The following GON4L variants were observed in gnomAD, a reference collection of about 807,000 sequenced individuals.
GON4L encodes the protein gon-4 like, also known as GON-4-like protein.
In GON4L, 87 loss-of-function variants were observed where a neutral mutation model predicts 211.8. That is an observed-to-expected ratio of 0.41 (90% CI 0.35 to 0.49). The LOEUF (loss-of-function observed/expected upper bound fraction) is 0.49. GON4L is among the 20% of genes least tolerant of loss of function. GON4L has a pLI of 0.15. For missense variants in GON4L, 2,155 were observed against 2,659.5 expected, an observed-to-expected ratio of 0.81 and a Z score of 4.17; for synonymous variants, 875 against 962.6, an observed-to-expected ratio of 0.91 and a Z score of 1.68.
chr1:155,775,003 A>C lies in GON4L; in HGVS notation c.2349T>G (p.Thr783=). ...DCSPHKTVKK[T]ANEFPCLPKQ... is the part of the protein sequence containing the mutation. ...AAAGCTGACACATCTGTCTCCTACCAGTCTTCTTGACAGTTTTATGAGGGC... is the reference window on the plus strand; with the variant it reads ...AAAGCTGACACATCTGTCTCCTACCCGTCTTCTTGACAGTTTTATGAGGGC... The change falls in exon 17 of 32, where the codon ACT becomes ACG. Residue 783 remains threonine (T), a splice_region_variant and synonymous_variant. Coordinates refer to ENST00000368331, the MANE Select transcript of GON4L (RefSeq NM_001282860.2). The C allele has an allele frequency of 6.2e-7, 1 of 1,609,244 alleles. No individual in the cohort carries two copies. The highest frequency in any genetic ancestry group is 1.1e-5 in the South Asian group (1 of 90,896).
chr1:155,835,567 C>A (rs945691115), intron 2 of GON4L, among the ~76,000 whole-genome samples: 2 of 152,028 alleles, frequency 1.3e-5, no homozygotes, highest in Non-Finnish European at 2.9e-5. Context: ...CTGTTGGCCA[C>A]CCCCTAGGTG....
chr1:155,753,899 T>C, intron 28 of GON4L: 1 of 220,634 alleles, frequency 4.5e-6, no homozygotes, highest in Admixed American at 5.3e-5. Flanking sequence ...AAACACGGTC[T>C]CACTCTGTCA....
At chr1:155,849,362 G>T (rs1671554716) in intron 2 of GON4L, among the ~76,000 whole-genome samples, 1 of 151,724 alleles carries the variant, frequency 6.6e-6, no homozygotes, top group African/African-American at 2.4e-5. Context: ...GACTAACATG[G>T]TGAAACCCTG....
intron 11 of GON4L, among the ~76,000 whole-genome samples, chr1:155,802,552 C>T (rs1331554468): frequency 6.6e-6 from 1 of 152,192 alleles, no homozygotes; most frequent in Admixed American, 6.6e-5. Context: ...TTTCATGTAG[C>T]TGTCTCTGAT....
intron 10 of GON4L, among the ~76,000 whole-genome samples, chr1:155,806,287 G>T (rs1571809579): frequency 6.6e-6 from 1 of 151,782 alleles, no homozygotes; most frequent in Non-Finnish European, 1.5e-5. Context: ...CAAATAGTTG[G>T]GACTACAGGC....
chr1:155,820,530 AT>A, intron 6 of GON4L, 75 bp downstream of exon 6: 2 of 961,872 alleles, frequency 2.1e-6, no homozygotes, highest in Non-Finnish European at 1.7e-6. Flanking sequence ...TCTTTCCTAT[AT>A]TTTTCCCTAT....
At chr1:155,850,800 T>G (rs993194465) in intron 2 of GON4L, among the ~76,000 whole-genome samples, 1 of 150,696 alleles carries the variant, frequency 6.6e-6, no homozygotes, top group Non-Finnish European at 1.5e-5. Flanking sequence ...CCTGTAATCC[T>G]AGCACTTTGG....
intron 14 of GON4L, among the ~76,000 whole-genome samples, chr1:155,779,850 TGCAGTG>T (rs1173482733): frequency 3.3e-5 from 5 of 151,994 alleles, no homozygotes; most frequent in African/African-American, 9.7e-5. Context: ...CAGGCTGGAC[TGCAGTG>T]GCATGATCTC....
At chr1:155,842,104 T>TC (rs1414336845) in intron 2 of GON4L, among the ~76,000 whole-genome samples, 4 of 151,622 alleles carry the variant, frequency 2.6e-5, no homozygotes, top group Admixed American at 6.6e-5. Context: ...CACTATACCT[T>TC]CCCCCCGCTC....
rs766846362 is a variant in GON4L, at chr1:155,765,966, C to T, written c.3507G>A (p.Ala1169=). Residue 1169 remains alanine (A), a synonymous_variant, in exon 21 of 32, where the codon GCG becomes GCA. Coordinates refer to ENST00000368331, the MANE Select transcript of GON4L (RefSeq NM_001282860.2). ...GGCNMIQPVN[A]AVAQSPQTIP... is the part of the protein sequence containing the mutation. ...TAGTCTGGGGACTCTGGGCCACAGCCGCATTGACAGGCTGGATCATGTTAC... is the reference window on the plus strand; with the variant it reads ...TAGTCTGGGGACTCTGGGCCACAGCTGCATTGACAGGCTGGATCATGTTAC... 41 of 1,613,976 alleles carry T rather than the reference C, an allele frequency of 2.5e-5. 1 individual carries two copies. The Middle Eastern group carries it at 8.2e-4, about 32-fold the overall frequency.
intron 10 of GON4L, among the ~76,000 whole-genome samples, chr1:155,806,767 T>C (rs1360825494): frequency 6.6e-6 from 1 of 152,168 alleles, no homozygotes; most frequent in Non-Finnish European, 1.5e-5. Flanking sequence ...TCCAATTATC[T>C]GTTGATGGAA....
intron 11 of GON4L, among the ~76,000 whole-genome samples, chr1:155,799,815 C>A (rs912120638): frequency 6.6e-6 from 1 of 152,160 alleles, no homozygotes; most frequent in African/African-American, 2.4e-5. Flanking sequence ...TGAAAATGAG[C>A]ACCAAAGCTG....
chr1:155,788,098 T>G (rs1665144738), intron 12 of GON4L, among the ~76,000 whole-genome samples: 1 of 152,190 alleles, frequency 6.6e-6, no homozygotes, highest in Non-Finnish European at 1.5e-5. Context: ...TTCAAGCAAT[T>G]CTCATGCCTC....
At chr1:155,782,809 G>A (rs149303471) in intron 14 of GON4L, among the ~76,000 whole-genome samples, 4,148 of 151,904 alleles carry the variant, frequency 0.027, 196 homozygotes, top group African/African-American at 0.092. Flanking sequence ...ACACACACCC[G>A]CCACCATGCC....
chr1:155,857,252 G>A (rs1016744926), upstream of GON4L: 1 of 152,460 alleles, frequency 6.6e-6, no homozygotes, highest in African/African-American at 2.4e-5. Context: ...TCGGAGCGCC[G>A]CGCCGCAGTG....
chr1:155,854,783 C>T (rs1352111853), intron 1 of GON4L, among the ~76,000 whole-genome samples: 4 of 152,138 alleles, frequency 2.6e-5, no homozygotes, highest in African/African-American at 9.7e-5. Context: ...CGTCCGTAAT[C>T]CCAACACTTT....
At position 155,794,195 on chromosome 1, in the gene GON4L, C is replaced by T. The variant is rs149891724; in HGVS notation, c.1747+855G>A. On this transcript the variant is annotated intron_variant, in intron 12 of 31. Transcript: ENST00000368331. The stretch of plus-strand genomic sequence containing the variant: ...CAAGCAATTTTTCTGCCTCAGCCTC[C>T]GGAGTAGCTGGGATTACAGGTGCCT... Among the ~76,000 whole-genome samples, 451 of 152,164 alleles carry T rather than the reference C, an allele frequency of 3.0e-3. 1 individual carries two copies. The highest frequency in any genetic ancestry group is 4.9e-3 in the Non-Finnish European group (335 of 68,010).
chr1:155,808,354 A>C (rs1667357583), intron 10 of GON4L, among the ~76,000 whole-genome samples: 1 of 151,532 alleles, frequency 6.6e-6, no homozygotes. Context: ...TCTAATGTTT[A>C]AAATAAAATC....
At chr1:155,846,499 G>A (rs1671260550) in intron 2 of GON4L, 2 of 145,812 alleles carry the variant, frequency 1.4e-5, no homozygotes, top group Non-Finnish European at 3.0e-5. Context: ...CTCCAGCCTG[G>A]GTGACAGAGC....
Sources: allele counts gnomAD v4.1 joint callset (sites outside exome capture counted in the v4.1 genomes callset), GRCh38; gene constraint gnomAD v4.1.1; transcripts MANE v1.5; gene names NCBI Gene and HGNC (gene_info 2026-07-23, HGNC 2026-07-21).